CYP2J2: variants seen among roughly 807,000 people sequenced by gnomAD.
The protein encoded by CYP2J2 is cytochrome P450 2J2.
In CYP2J2, 41 loss-of-function variants were observed where a neutral mutation model predicts 48.8. That is an observed-to-expected ratio of 0.84 (90% CI 0.66 to 1.09). The LOEUF is 1.09. Among genes scored for constraint, CYP2J2 ranks in the 50% least tolerant of loss-of-function variants. CYP2J2 has a pLI of 0.00. For missense variants in CYP2J2, 644 were observed against 617.3 expected (o/e 1.04, Z -0.46); for synonymous variants, 221 against 227.1 (o/e 0.97, Z 0.24).
In CYP2J2 at chr1:59,904,825, A is replaced by T. The variant is rs759543594; in HGVS notation, c.1191+46T>A. On this transcript the variant is annotated intron_variant, in intron 7 of 8. Coordinates refer to ENST00000371204, the MANE Select transcript of CYP2J2 (RefSeq NM_000775.4). ...GAATAAATGTCACTTCTCAAGTTCA[A>T]GTTTCTACCCCCCTAAAAGATGGGC... 8.5e-6 allele frequency: 13 copies of T among 1,530,246 alleles called. No homozygotes were observed. In the African/African-American group the frequency reaches 1.7e-4, roughly 19 times the overall value. 94.8% of individuals were successfully genotyped at this position (1,530,246 alleles called of 1,614,324 possible).
At chr1:59,918,197 G>A (rs11572233) in intron 1 of CYP2J2, among the ~76,000 whole-genome samples, 344 of 152,204 alleles carry the variant, frequency 2.3e-3, no homozygotes, top group African/African-American at 7.8e-3. Context: ...TTTTTTTAAT[G>A]TACCCTTGCT....
At chr1:59,902,395 A>G (rs1019344636) in intron 7 of CYP2J2, among the ~76,000 whole-genome samples, 2 of 152,020 alleles carry the variant, frequency 1.3e-5, no homozygotes, top group African/African-American at 4.8e-5. Flanking sequence ...TACTTCAAGG[A>G]ATTAATATCA....
chr1:59,911,762 G>T lies in CYP2J2; in HGVS notation c.530C>A (p.Pro177His). Residue 177 changes from proline to histidine, a missense_variant, in exon 4 of 9, where the codon CCT becomes CAT. Coordinates refer to ENST00000371204, the MANE Select transcript of CYP2J2 (RefSeq NM_000775.4). ...TEAIKEENGQPFDPHFKINNA... is the reference protein window; with the variant it reads ...TEAIKEENGQHFDPHFKINNA... The stretch of plus-strand genomic sequence containing the variant: ...GTTGATCTTGAAATGAGGGTCAAAA[G>T]GCTGTCCTGAAGGTGGAGGAAGGGC... 7 of 1,612,614 alleles carry T rather than the reference G, an allele frequency of 4.3e-6. No homozygotes were observed. The highest frequency in any genetic ancestry group is 5.9e-6 in the Non-Finnish European group (7 of 1,179,320).
chr1:59,934,724 AT>A, the CYP2J2 span, among the ~76,000 whole-genome samples: 1 of 151,984 alleles, frequency 6.6e-6, no homozygotes, highest in South Asian at 2.1e-4. Context: ...TGGCTAGGAT[AT>A]GGAGAAAATA....
chr1:59,935,717 T>C, the CYP2J2 span, among the ~76,000 whole-genome samples: 3 of 152,298 alleles, frequency 2.0e-5, no homozygotes, highest in Admixed American at 6.5e-5. Flanking sequence ...CGTACATGGG[T>C]AGAAAGACTC....
the CYP2J2 span, among the ~76,000 whole-genome samples, chr1:59,945,426 CTATCTATCTA>C: frequency 0.027 from 4,173 of 151,834 alleles, 59 homozygotes; most frequent in Non-Finnish European, 0.033. Context: ...ATCTATCTAT[CTATCTATCTA>C]TCTATCTCTC....
the CYP2J2 span, among the ~76,000 whole-genome samples, chr1:59,935,539 T>G: frequency 1.5e-3 from 236 of 152,270 alleles, no homozygotes; most frequent in African/African-American, 5.3e-3. Context: ...AAATTTTATT[T>G]ACCAATTATA....
At chr1:59,919,315 C>T (rs182948873) in intron 1 of CYP2J2, among the ~76,000 whole-genome samples, 6 of 152,244 alleles carry the variant, frequency 3.9e-5, no homozygotes, top group South Asian at 2.1e-4. Context: ...TCATTGATAA[C>T]GTGGAATTTC....
rs536050234 is a variant in CYP2J2 at position 59,905,000 on chromosome 1, G to A, written c.1062C>T (p.Ala354=). The A allele has an allele frequency of 3.3e-5, 54 of 1,613,878 alleles. No individual in the cohort carries two copies. The Middle Eastern group carries it at 9.9e-4, about 30-fold the overall frequency. The change falls in exon 7 of 9, where the codon GCC becomes GCT. Residue 354 remains alanine, a synonymous_variant. Transcript: ENST00000371204. ...VIGQGQQPST[A]ARESMPYTNA... is the part of the protein sequence containing the mutation. ...TGGTGTAGGGCATGGACTCCCGGGC[G>A]GCTGTGCTCGGCTGCTGCCCCTGGC... is the stretch of plus-strand genomic sequence containing the variant.
At chr1:59,957,818 A>C in the CYP2J2 span, among the ~76,000 whole-genome samples, 1 of 152,152 alleles carries the variant, frequency 6.6e-6, no homozygotes, top group Non-Finnish European at 1.5e-5. Context: ...ACACGGTCTT[A>C]AAATTTCAGA....
At chr1:59,955,045 G>A in the CYP2J2 span, among the ~76,000 whole-genome samples, 5 of 151,780 alleles carry the variant, frequency 3.3e-5, no homozygotes, top group Non-Finnish European at 5.9e-5. Context: ...GGCTGAGGTG[G>A]GAGGATTGCT....
intron 6 of CYP2J2, 38 bp downstream of exon 6, chr1:59,907,748 T>C (rs751469476): frequency 6.2e-7 from 1 of 1,612,042 alleles, no homozygotes; most frequent in South Asian, 1.1e-5. Flanking sequence ...GGAGGCACTA[T>C]TCTGTCCTGG....
chr1:59,955,267 T>TATATATATATCC, the CYP2J2 span, among the ~76,000 whole-genome samples: 84 of 28,964 alleles, frequency 2.9e-3, no homozygotes, highest in South Asian at 0.046. Flanking sequence ...TATATATCCA[T>TATATATATATCC]ATATATATAT....
upstream of CYP2J2, among the ~76,000 whole-genome samples, chr1:59,931,102 G>T (rs1644600697): frequency 6.6e-6 from 1 of 152,034 alleles, no homozygotes. Flanking sequence ...AGAAAAGTAA[G>T]ATAACAGGGC....
chr1:59,926,306 C>T (rs1378537700), intron 1 of CYP2J2, among the ~76,000 whole-genome samples: 1 of 152,142 alleles, frequency 6.6e-6, no homozygotes, highest in Non-Finnish European at 1.5e-5. Flanking sequence ...AACATGACAA[C>T]ATGCAAATAG....
chr1:59,961,823 T>C, the CYP2J2 span, among the ~76,000 whole-genome samples: 2 of 151,916 alleles, frequency 1.3e-5, no homozygotes, highest in African/African-American at 4.8e-5. Flanking sequence ...TAAAAAGAAA[T>C]GAAGTACTGA....
chr1:59,903,835 C>A (rs1644341489), intron 7 of CYP2J2, among the ~76,000 whole-genome samples: 1 of 152,172 alleles, frequency 6.6e-6, no homozygotes, highest in African/African-American at 2.4e-5. Context: ...TTCCAGATCC[C>A]AACTCTTCAT....
chr1:59,951,268 T>C, the CYP2J2 span, among the ~76,000 whole-genome samples: 594 of 152,336 alleles, frequency 3.9e-3, 2 homozygotes, highest in African/African-American at 0.013. Flanking sequence ...ACTTCCTTTT[T>C]ATTTATCTCT....
the CYP2J2 span, among the ~76,000 whole-genome samples, chr1:59,947,297 A>C: frequency 2.6e-5 from 4 of 152,198 alleles, no homozygotes; most frequent in African/African-American, 9.6e-5. Context: ...GAAAACTAAA[A>C]CACCAAAAGA....
Sources: gnomAD v4.1 joint callset for allele counts (sites outside exome capture counted in the v4.1 genomes callset) on GRCh38, gnomAD v4.1.1 for gene constraint, MANE v1.5 for transcripts, NCBI Gene and HGNC (gene_info 2026-07-23, HGNC 2026-07-21) for gene names.